Variants in TMPRSS2 observed in about 807,000 individuals in gnomAD.
TMPRSS2 encodes transmembrane protease serine 2.
A neutral mutation model predicts 67.4 loss-of-function variants in TMPRSS2; 59 were observed. That is an observed-to-expected ratio of 0.88 (90% CI 0.71 to 1.09). The LOEUF is 1.09. Among genes scored for constraint, TMPRSS2 ranks in the 50% least tolerant of loss-of-function variants. The pLI is 0.00. For missense variants in TMPRSS2, 668 were observed against 642.7 expected (o/e 1.04, Z -0.43); for synonymous variants, 257 against 257.0 (o/e 1.00, Z 0.00).
chr21:41,504,127 A>G (rs1269690883), intron 1 of TMPRSS2, among the ~76,000 whole-genome samples: 1 of 152,250 alleles, frequency 6.6e-6, no homozygotes, highest in Non-Finnish European at 1.5e-5. Context: ...TCCAATTGTC[A>G]CAACCTCTCA....
chr21:41,467,580 G>T (rs938929445), intron 13 of TMPRSS2, among the ~76,000 whole-genome samples, 154 bp downstream of exon 13: 2 of 152,154 alleles, frequency 1.3e-5, no homozygotes, highest in African/African-American at 4.8e-5. Context: ...GGTGGACACT[G>T]GGGGGATGGG....
At position 41,473,381 on chromosome 21, in the gene TMPRSS2, G is replaced by T. The variant is rs781464241; in HGVS notation, c.843C>A (p.Cys281Ter). ...ACTCGGGGGTGATGATGGAGCCTCC[G>T]CACACGTGGACGTTCTGGACGTGCA... ...VSLHVQNVHVCGGSIITPEWI... is the reference protein window; with the variant it reads ...VSLHVQNVHV Residue 281 changes from cysteine to a stop codon, truncating the protein, a stop_gained, in exon 9 of 14, where the codon TGC becomes TGA. Coordinates refer to ENST00000332149, the MANE Select transcript of TMPRSS2 (RefSeq NM_005656.4). LOFTEE classifies it high-confidence loss of function. The T allele has an allele frequency of 6.2e-7, 1 of 1,609,852 alleles. No individual in the cohort carries two copies. The highest frequency in any genetic ancestry group is 1.1e-5 in the South Asian group (1 of 90,558).
At chr21:41,480,639 T>C (rs2091249838) in intron 5 of TMPRSS2, 37 bp from the exon 6 acceptor site, 1 of 1,598,810 alleles carries the variant, frequency 6.3e-7, no homozygotes, top group Middle Eastern at 1.7e-4. Flanking sequence ...AGTTTCTTTC[T>C]TTTTTTTTCT....
At chr21:41,487,250 A>T (rs556037160) in intron 5 of TMPRSS2, 1 of 152,418 alleles carries the variant, frequency 6.6e-6, no homozygotes, top group Admixed American at 6.5e-5. Context: ...ACATAGATGA[A>T]GCTGGAGGAC....
intron 1 of TMPRSS2, among the ~76,000 whole-genome samples, chr21:41,507,466 G>A (rs2146519280): frequency 6.6e-6 from 1 of 152,304 alleles, no homozygotes; most frequent in Admixed American, 6.5e-5. Flanking sequence ...GAGACTGACT[G>A]GCCGTTCGCA....
intron 1 of TMPRSS2, among the ~76,000 whole-genome samples, chr21:41,504,551 G>T (rs1471761883): frequency 1.3e-5 from 2 of 152,210 alleles, no homozygotes; most frequent in Non-Finnish European, 2.9e-5. Flanking sequence ...CCAAGTCCCA[G>T]ATCAGGCTCT....
intron 8 of TMPRSS2, 35 bp from the exon 9 acceptor site, chr21:41,473,531 A>G (rs879460479): frequency 6.3e-7 from 1 of 1,579,274 alleles, no homozygotes; most frequent in East Asian, 2.3e-5. Context: ...GTGGGGTGAG[A>G]CCAGCAGAAG....
chr21:41,488,279 T>G, intron 5 of TMPRSS2, 115 bp downstream of exon 5: 1 of 1,244,278 alleles, frequency 8.0e-7, no homozygotes, highest in Non-Finnish European at 1.1e-6. Context: ...TTCAATGACA[T>G]CATGTGTCAG....
At chr21:41,492,741 C>T (rs1203973516) in intron 3 of TMPRSS2, among the ~76,000 whole-genome samples, 1 of 152,234 alleles carries the variant, frequency 6.6e-6, no homozygotes, top group Non-Finnish European at 1.5e-5. Flanking sequence ...CTGTCATCAT[C>T]TAGTCTTTCC....
In TMPRSS2 at chr21:41,494,455, A is replaced by G. The variant is rs373510989; in HGVS notation, c.139T>C (p.Ser47Pro). Residue 47 changes from serine to proline, a missense_variant, in exon 3 of 14, where the codon TCC becomes CCC. By Grantham distance (74) the Ser-to-Pro change is moderately conservative. Coordinates refer to ENST00000332149, the MANE Select transcript of TMPRSS2 (RefSeq NM_005656.4). ...CTCGGGGCGTACTGGGGCACGGGGG[A>G]CGGGTAGTACTGAGCCGGATGCACC... is the stretch of plus-strand genomic sequence containing the variant. ...YEVHPAQYYPSPVPQYAPRVL... is the reference protein window; with the variant it reads ...YEVHPAQYYPPPVPQYAPRVL... 2 of 1,613,762 alleles carry G rather than the reference A, an allele frequency of 1.2e-6. No homozygotes were observed. The highest frequency in any genetic ancestry group is 2.2e-5 in the South Asian group (2 of 91,048).
At chr21:41,473,076 C>T (rs1187236812) in intron 9 of TMPRSS2, among the ~76,000 whole-genome samples, 1 of 152,142 alleles carries the variant, frequency 6.6e-6, no homozygotes, top group Non-Finnish European at 1.5e-5. Context: ...ACGCTGGTCA[C>T]GGCGACATCG....
intron 1 of TMPRSS2, among the ~76,000 whole-genome samples, chr21:41,499,865 G>T (rs188198121): frequency 4.0e-5 from 6 of 151,838 alleles, no homozygotes; most frequent in Admixed American, 2.0e-4. Flanking sequence ...ACCCCTTCCC[G>T]CTTGGCTTTA....
Position 41,505,713 on chromosome 21 carries a change from G to A in TMPRSS2, c.-57+2368C>T, listed in dbSNP as rs187037274. The stretch of plus-strand genomic sequence containing the variant: ...CAAGCCCTTTTCAATCAGGATTCCG[G>A]GCGCCTTGTTTCCAGCTTCCTTCCC... On this transcript the variant is annotated intron_variant, in intron 1 of 13. Coordinates refer to ENST00000332149, the MANE Select transcript of TMPRSS2 (RefSeq NM_005656.4). 2.5e-3 allele frequency among the ~76,000 whole-genome samples: 378 copies of A among 152,296 alleles called. 2 individuals carry two copies. The highest frequency in any genetic ancestry group is 8.8e-3 in the African/African-American group (364 of 41,572).
intron 5 of TMPRSS2, 67 bp from the exon 6 acceptor site, chr21:41,480,669 C>T (rs975104221): frequency 1.2e-5 from 19 of 1,568,060 alleles, no homozygotes; most frequent in African/African-American, 8.2e-5. Context: ...GACGGAGTCT[C>T]GCTCTGTCAC....
intron 11 of TMPRSS2, 84 bp downstream of exon 11, chr21:41,470,564 G>T: frequency 7.8e-7 from 1 of 1,275,190 alleles, no homozygotes; most frequent in Non-Finnish European, 1.1e-6. Context: ...AGTAGAACTG[G>T]GATTAAAACC....
chr21:41,491,898 C>T (rs1601584445), intron 3 of TMPRSS2, among the ~76,000 whole-genome samples: 1 of 152,190 alleles, frequency 6.6e-6, no homozygotes, highest in Non-Finnish European at 1.5e-5. Context: ...AACTCACTGG[C>T]CCGGCACAGT....
intron 1 of TMPRSS2, among the ~76,000 whole-genome samples, chr21:41,499,642 CT>C (rs2091410005): frequency 6.6e-6 from 1 of 152,176 alleles, no homozygotes; most frequent in African/African-American, 2.4e-5. Flanking sequence ...CAACCCCACC[CT>C]GATCCTTGGT....
chr21:41,507,449 CCTCCCCGAGA>C (rs1446959716), intron 1 of TMPRSS2, among the ~76,000 whole-genome samples: 1 of 152,174 alleles, frequency 6.6e-6, no homozygotes, highest in Non-Finnish European at 1.5e-5. Flanking sequence ...GCGAGCAGTC[CCTCCCCGAGA>C]CTGACTGGCC....
chr21:41,501,722 G>T (rs1339665922), intron 1 of TMPRSS2, among the ~76,000 whole-genome samples: 1 of 151,980 alleles, frequency 6.6e-6, no homozygotes, highest in Non-Finnish European at 1.5e-5. Context: ...GGGAAGCACT[G>T]CTGTCCCGAA....
Sources: allele counts gnomAD v4.1 joint callset (sites outside exome capture counted in the v4.1 genomes callset), GRCh38; gene constraint gnomAD v4.1.1; transcripts MANE v1.5; gene names NCBI Gene and HGNC (gene_info 2026-07-23, HGNC 2026-07-21).